ZC3H12B: variants seen among roughly 807,000 people sequenced by gnomAD.
ZC3H12B encodes probable ribonuclease ZC3H12B.
A neutral mutation model predicts 43.9 loss-of-function variants in ZC3H12B; 7 were observed. The ratio of observed to expected loss-of-function variants is 0.16; its 90% CI spans 0.09 to 0.30. The LOEUF (loss-of-function observed/expected upper bound fraction) is 0.30, where lower values mean the gene tolerates loss of function less well. Ranked by LOEUF, ZC3H12B falls within the 10% of genes least tolerant of loss-of-function variation. The pLI, the probability that ZC3H12B is intolerant of heterozygous loss-of-function variation, is 1.00. For missense variants in ZC3H12B, 475 were observed against 670.2 expected (o/e 0.71, Z 3.22); for synonymous variants, 222 against 241.7 (o/e 0.92, Z 0.76).
intron 2 of ZC3H12B, among the ~76,000 whole-genome samples, chrX:65,390,886 A>T: frequency 8.9e-6 from 1 of 112,009 alleles, no homozygotes; most frequent in East Asian, 2.8e-4. Flanking sequence ...TTCTCTGGCA[A>T]AACAGAATAA....
chrX:65,421,183 G>C (rs2067013276), intron 3 of ZC3H12B, among the ~76,000 whole-genome samples: 1 of 112,618 alleles, frequency 8.9e-6, no homozygotes, highest in Non-Finnish European at 1.9e-5. Context: ...ACATTTGTGT[G>C]TCAGACTGAG....
chrX:65,088,747 GT>G, the ZC3H12B span, among the ~76,000 whole-genome samples: 1 of 111,049 alleles, frequency 9.0e-6, no homozygotes. Context: ...TTTAAGGATG[GT>G]TTTTTTCGCC....
At chrX:65,190,230 G>T in the ZC3H12B span, among the ~76,000 whole-genome samples, 1 of 110,380 alleles carries the variant, frequency 9.1e-6, no homozygotes, top group African/African-American at 3.3e-5. Flanking sequence ...GTCAGGTAGT[G>T]TGATGCCTCC....
chrX:65,458,696 A>G (rs1387732538), intron 3 of ZC3H12B, among the ~76,000 whole-genome samples: 1 of 112,161 alleles, frequency 8.9e-6, no homozygotes, highest in African/African-American at 3.2e-5. Flanking sequence ...AATCTCTGGG[A>G]CACATTCAAA....
intron 1 of ZC3H12B, among the ~76,000 whole-genome samples, chrX:65,493,263 C>T (rs767543073): frequency 2.7e-5 from 3 of 109,962 alleles, no homozygotes; most frequent in South Asian, 8.0e-4. Context: ...AAAAATTAGC[C>T]GGGTGTGGTG....
At chrX:65,110,998 T>G in the ZC3H12B span, among the ~76,000 whole-genome samples, 1 of 111,356 alleles carries the variant, frequency 9.0e-6, no homozygotes, top group Admixed American at 9.6e-5. Context: ...ATGTAAATTA[T>G]AAATGGTATT....
the ZC3H12B span, among the ~76,000 whole-genome samples, chrX:65,225,932 C>T: frequency 8.9e-6 from 1 of 111,897 alleles, no homozygotes; most frequent in African/African-American, 3.2e-5. Context: ...TAGAATGGAA[C>T]CAAGTTGGAA....
At chrX:65,196,235 C>T in the ZC3H12B span, among the ~76,000 whole-genome samples, 2 of 107,919 alleles carry the variant, frequency 1.9e-5, no homozygotes, top group Admixed American at 1.0e-4. Flanking sequence ...TGGAGCCCCT[C>T]GTGAGGCAAG....
At chrX:65,363,312 C>T (rs1017752122), upstream of ZC3H12B, among the ~76,000 whole-genome samples, 3 of 111,239 alleles carry the variant, frequency 2.7e-5, no homozygotes, top group East Asian at 2.8e-4. Flanking sequence ...TTACCTACCT[C>T]GGCATAATTC....
the ZC3H12B span, among the ~76,000 whole-genome samples, chrX:65,260,275 G>T: frequency 3.7e-5 from 4 of 108,986 alleles, no homozygotes; most frequent in African/African-American, 1.3e-4. Flanking sequence ...TGCAAGATGA[G>T]AACTAAATTA....
the ZC3H12B span, among the ~76,000 whole-genome samples, chrX:65,089,093 A>G: frequency 6.3e-5 from 7 of 111,874 alleles, no homozygotes; most frequent in African/African-American, 2.3e-4. Flanking sequence ...CCCCCTAGAA[A>G]TGCATCAGTT....
At chrX:65,441,637 A>G (rs1273792494) in intron 3 of ZC3H12B, among the ~76,000 whole-genome samples, 1 of 112,033 alleles carries the variant, frequency 8.9e-6, no homozygotes, top group Non-Finnish European at 1.9e-5. Context: ...ATCTGAATCA[A>G]TGACTCCTGT....
chrX:65,371,248 AT>A (rs2066240960), intron 2 of ZC3H12B, among the ~76,000 whole-genome samples: 1 of 112,018 alleles, frequency 8.9e-6, no homozygotes, highest in Non-Finnish European at 1.9e-5. Flanking sequence ...AATCCTTTAC[AT>A]TTTCAAAGTA....
intron 3 of ZC3H12B, among the ~76,000 whole-genome samples, chrX:65,456,456 CAG>C (rs1405955458): frequency 3.5e-5 from 3 of 86,462 alleles, no homozygotes; most frequent in East Asian, 8.1e-4. Flanking sequence ...CCTGTCTCCA[CAG>C]TCTCCTTCCA....
At chrX:65,095,196 G>A in the ZC3H12B span, among the ~76,000 whole-genome samples, 2 of 111,782 alleles carry the variant, frequency 1.8e-5, no homozygotes, top group Admixed American at 9.5e-5. Context: ...TTACAAAATG[G>A]ATCTGTATTA....
the ZC3H12B span, among the ~76,000 whole-genome samples, chrX:65,192,801 T>TAGATAGATAGAC: frequency 9.0e-6 from 1 of 111,296 alleles, no homozygotes; most frequent in African/African-American, 3.3e-5. Context: ...GATAGATAGA[T>TAGATAGATAGAC]AGATTGTTTT....
At chrX:65,332,546 G>T in the ZC3H12B span, among the ~76,000 whole-genome samples, 1 of 111,252 alleles carries the variant, frequency 9.0e-6, no homozygotes, top group Admixed American at 9.6e-5. Flanking sequence ...CTGATATGGG[G>T]TTGCTAGATG....
the ZC3H12B span, among the ~76,000 whole-genome samples, chrX:65,237,903 G>A: frequency 9.0e-6 from 1 of 111,495 alleles, no homozygotes; most frequent in Admixed American, 9.5e-5. Context: ...TTGCATACTG[G>A]GGATGAAGCC....
At chrX:65,094,929 A>T in the ZC3H12B span, among the ~76,000 whole-genome samples, 1 of 112,234 alleles carries the variant, frequency 8.9e-6, no homozygotes, top group Non-Finnish European at 1.9e-5. Flanking sequence ...CTAAAGGAAC[A>T]ATTAACAGAT....
Sources: allele counts gnomAD v4.1 joint callset (sites outside exome capture counted in the v4.1 genomes callset), GRCh38; gene constraint gnomAD v4.1.1; transcripts MANE v1.5; gene names NCBI Gene and HGNC (gene_info 2026-07-23, HGNC 2026-07-21).